Variants in ADAMTSL2 observed in about 807,000 individuals in gnomAD.
The protein encoded by ADAMTSL2 is ADAMTS-like protein 2.
ADAMTSL2 carries 55 observed loss-of-function variants against 117.0 expected under a neutral mutation model. The ratio of observed to expected loss-of-function variants is 0.47; its 90% CI spans 0.38 to 0.59. The LOEUF is 0.59. ADAMTSL2 is among the 20% of genes least tolerant of loss of function. The pLI, the probability that ADAMTSL2 is intolerant of heterozygous loss-of-function variation, is 0.00. For missense variants in ADAMTSL2, 1,182 were observed against 1,354.5 expected (o/e 0.87, Z 2.00); for synonymous variants, 572 against 566.4 (o/e 1.01, Z -0.14).
At chr9:133,544,436 C>A (rs1378146343) in intron 7 of ADAMTSL2, 34 bp from the exon 8 acceptor site, 4 of 1,576,070 alleles carry the variant, frequency 2.5e-6, no homozygotes, top group Non-Finnish European at 3.5e-6. Context: ...CCTTTCCAAT[C>A]AAGAGGGGCT....
intron 9 of ADAMTSL2, among the ~76,000 whole-genome samples, chr9:133,548,816 C>T (rs969181379): frequency 2.0e-5 from 3 of 152,148 alleles, no homozygotes; most frequent in Admixed American, 6.5e-5. Flanking sequence ...GGGTGGGGTC[C>T]GTGGTCCACC....
At chr9:133,569,299 C>T (rs1327349436) in intron 15 of ADAMTSL2, 109 bp from the exon 16 acceptor site, 3 of 1,166,830 alleles carry the variant, frequency 2.6e-6, no homozygotes, top group Non-Finnish European at 3.8e-6. Context: ...ATGGCAACCG[C>T]TTCGACACTG....
At chr9:133,550,473 G>A (rs150654891) in intron 9 of ADAMTSL2, among the ~76,000 whole-genome samples, 291 of 152,258 alleles carry the variant, frequency 1.9e-3, no homozygotes, top group African/African-American at 6.6e-3. Flanking sequence ...CCATGTTCTC[G>A]GTACCCTGTC....
chr9:133,570,524 C>A lies in ADAMTSL2; in HGVS notation c.2592+17C>A. The A allele has an allele frequency of 6.2e-7, 1 of 1,606,600 alleles. No homozygotes were observed. The highest frequency in any genetic ancestry group is 1.3e-5 in the African/African-American group (1 of 74,858). ...TGGTCAGAGGTGAGCTCCCAGCCGG[C>A]CCCTCTGAGGTTGCCTGAGGCCAGA... On this transcript the variant is annotated intron_variant, in intron 17 of 18. Coordinates refer to ENST00000651351, the MANE Select transcript of ADAMTSL2 (RefSeq NM_014694.4).
intron 12 of ADAMTSL2, among the ~76,000 whole-genome samples, chr9:133,565,806 G>A (rs953493026): frequency 2.6e-5 from 4 of 151,552 alleles, no homozygotes; most frequent in Admixed American, 6.6e-5. Flanking sequence ...CATGATGCCC[G>A]TCATCCCGGA....
At position 133,555,599 on chromosome 9, in the gene ADAMTSL2, G is replaced by A; in HGVS notation, c.1318G>A (p.Asp440Asn). ...TGTPLTGDKD[D>N]EEVDTHFASQ... Reference sequence around the variant, plus strand: ...GACTCCTCTCACCGGGGACAAGGATGACGAAGAGGTTGACACCCACTTCGC... The same window carrying A: ...GACTCCTCTCACCGGGGACAAGGATAACGAAGAGGTTGACACCCACTTCGC... The change falls in exon 11 of 19, where the codon GAC (aspartate) becomes AAC (asparagine). Residue 440 changes from aspartate to asparagine, a missense_variant. Physicochemically the swap from Asp to Asn is conservative, Grantham distance 23. Around this residue, in one of 3 missense-constraint regions of ADAMTSL2, gnomAD observed 345 missense variants for 325.8 expected, o/e 1.06. Coordinates refer to ENST00000651351, the MANE Select transcript of ADAMTSL2 (RefSeq NM_014694.4). The A allele has an allele frequency of 1.2e-6, 2 of 1,613,266 alleles. No homozygotes were observed. The highest frequency in any genetic ancestry group is 1.1e-5 in the South Asian group (1 of 91,082).
intron 9 of ADAMTSL2, among the ~76,000 whole-genome samples, chr9:133,553,719 C>CA (rs1366311285): frequency 6.6e-6 from 1 of 152,166 alleles, no homozygotes; most frequent in African/African-American, 2.4e-5. Flanking sequence ...CTCCTGACAC[C>CA]AGCTGGTTTT....
chr9:133,543,082 G>A (rs1830263160), intron 7 of ADAMTSL2, among the ~76,000 whole-genome samples: 1 of 151,758 alleles, frequency 6.6e-6, no homozygotes, highest in Non-Finnish European at 1.5e-5. Flanking sequence ...TCAAGTAGCG[G>A]GGATTACAGG....
chr9:133,552,882 GC>G (rs1830518788), intron 9 of ADAMTSL2, among the ~76,000 whole-genome samples: 1 of 152,170 alleles, frequency 6.6e-6, no homozygotes, highest in Non-Finnish European at 1.5e-5. Flanking sequence ...TAGCCTGGTA[GC>G]ATTTCTCCCC....
chr9:133,533,706 G>C (rs1051430479), upstream of ADAMTSL2, among the ~76,000 whole-genome samples: 2 of 152,200 alleles, frequency 1.3e-5, no homozygotes, highest in Non-Finnish European at 2.9e-5. Flanking sequence ...CTTCCAGCAG[G>C]GAGGACAGAG....
At chr9:133,555,015 C>T (rs931109675) in intron 10 of ADAMTSL2, among the ~76,000 whole-genome samples, 3 of 152,012 alleles carry the variant, frequency 2.0e-5, no homozygotes, top group African/African-American at 4.8e-5. Flanking sequence ...TCTGATCTCT[C>T]GCTCACCCCA....
rs966666393 is a variant in ADAMTSL2, at chr9:133,574,903, G to A, written c.*39G>A. 6.5e-6 allele frequency: 10 copies of A among 1,538,418 alleles called. No homozygotes were observed. Among genetic ancestry groups the A allele is most frequent in the African/African-American group, 2.7e-5 (2 of 73,410 alleles). On this transcript the variant is annotated 3_prime_UTR_variant, in exon 19 of 19. Transcript: ENST00000651351. ...AGCCCCTTCCAGATGAAGACCAAGCGCCCCTCCTGGGGCTGCTGCAGCTTC... is the reference window on the plus strand; with the variant it reads ...AGCCCCTTCCAGATGAAGACCAAGCACCCCTCCTGGGGCTGCTGCAGCTTC...
At chr9:133,552,411 T>C (rs970289216) in intron 9 of ADAMTSL2, among the ~76,000 whole-genome samples, 2 of 152,248 alleles carry the variant, frequency 1.3e-5, no homozygotes, top group African/African-American at 4.8e-5. Flanking sequence ...ATCTGATAAG[T>C]GTGGCGCCAT....
intron 12 of ADAMTSL2, among the ~76,000 whole-genome samples, chr9:133,563,295 T>A (rs1437757875): frequency 6.6e-6 from 1 of 152,234 alleles, no homozygotes; most frequent in Non-Finnish European, 1.5e-5. Context: ...GTGACCTGCC[T>A]TCCGGGCAGA....
chr9:133,536,467 G>T (rs369288950), intron 1 of ADAMTSL2, 96 bp from the exon 2 acceptor site: 1 of 1,460,946 alleles, frequency 6.8e-7, no homozygotes, highest in Non-Finnish European at 9.1e-7. Flanking sequence ...GCACACCGCC[G>T]CTGGGTGTCT....
rs1048937531 is a variant in ADAMTSL2, at chr9:133,568,412, G to A, written c.2014G>A (p.Val672Met). ...CGACCTGTGCGAGGCAGCCGAGGCC[G>A]TGCGGCCCGAGGAACGCAAGACCTG... ...YSDLCEAAEA[V>M]RPEERKTCRN... Residue 672 changes from valine (V) to methionine (M), a missense_variant, in exon 14 of 19, where the codon GTG (valine) becomes ATG (methionine). Val to Met is a conservative substitution (Grantham distance 21, BLOSUM62 1). This residue lies in a region of ADAMTSL2 where 465 missense variants were observed against 565.3 expected (regional missense o/e 0.82). Transcript: ENST00000651351. 309 of 1,608,044 alleles carry A rather than the reference G, an allele frequency of 1.9e-4. No individual in the cohort carries two copies. The highest frequency in any genetic ancestry group is 2.3e-4 in the South Asian group (21 of 90,138).
chr9:133,561,047 G>A lies in ADAMTSL2; in HGVS notation c.1650-151G>A, dbSNP rs1029367339. 4.0e-4 allele frequency: 289 copies of A among 722,372 alleles called. 1 individual carries two copies. The highest frequency in any genetic ancestry group is 5.4e-4 in the Non-Finnish European group (214 of 398,106). 44.7% of individuals were successfully genotyped at this position (722,372 alleles called of 1,614,324 possible). On this transcript the variant is annotated intron_variant, in intron 11 of 18. Transcript: ENST00000651351. ...ACTTCAGACAGTGGGAACTCTGACCGTAGCAGGTGGAGGGTCGGCCCGGGG... is the reference window on the plus strand; with the variant it reads ...ACTTCAGACAGTGGGAACTCTGACCATAGCAGGTGGAGGGTCGGCCCGGGG...
At chr9:133,560,168 C>A (rs1284094654) in intron 11 of ADAMTSL2, among the ~76,000 whole-genome samples, 5 of 152,224 alleles carry the variant, frequency 3.3e-5, no homozygotes, top group Non-Finnish European at 7.3e-5. Context: ...TGAAGAAGGA[C>A]CTGTGACCTG....
chr9:133,570,559 C>A, intron 17 of ADAMTSL2, 52 bp downstream of exon 17: 1 of 1,551,938 alleles, frequency 6.4e-7, no homozygotes, highest in African/African-American at 1.4e-5. Flanking sequence ...ACCTGAATGT[C>A]GATCCCGCCC....
Sources: allele counts gnomAD v4.1 joint callset (sites outside exome capture counted in the v4.1 genomes callset), GRCh38; gene constraint gnomAD v4.1.1; regional missense constraint gnomAD v4.1.1; transcripts MANE v1.5; gene names NCBI Gene and HGNC (gene_info 2026-07-23, HGNC 2026-07-21).